Variants in PSMA1 observed in about 807,000 individuals in gnomAD.
PSMA1 encodes proteasome subunit alpha type-1.
In PSMA1, 3 loss-of-function variants were observed where a neutral mutation model predicts 38.4. The ratio of observed to expected loss-of-function variants is 0.08; its 90% confidence interval spans 0.04 to 0.20. The LOEUF (loss-of-function observed/expected upper bound fraction) is 0.20. Among genes scored for constraint, PSMA1 ranks in the 10% least tolerant of loss-of-function variants. The probability of loss-of-function intolerance (pLI) is 1.00; values close to 1 mark genes in which losing one functional copy is unlikely to be tolerated. For missense variants in PSMA1, 227 were observed against 325.3 expected (o/e 0.70, Z 2.32); for synonymous variants, 101 against 107.1 (o/e 0.94, Z 0.35).
intron 1 of PSMA1, among the ~76,000 whole-genome samples, chr11:14,636,528 T>G (rs1853115263): frequency 6.6e-6 from 1 of 152,182 alleles, no homozygotes; most frequent in Non-Finnish European, 1.5e-5. Flanking sequence ...TCATAGGGGA[T>G]ATCTCTTTTT....
At position 14,609,388 on chromosome 11, in the gene PSMA1, AACAG is replaced by A. The variant is rs368624472; in HGVS notation, c.21+1574_21+1577del. 2.8e-4 allele frequency among the ~76,000 whole-genome samples: 43 copies of A among 152,328 alleles called. No homozygotes were observed. In the East Asian group the frequency reaches 6.7e-3, roughly 24 times the overall value. The stretch of plus-strand genomic sequence containing the variant: ...CAGGAGATATTCTAGCAGCTAATAA[AACAG>A]ACAAAGATTCTTGCCTTCATGGAGC... On this transcript the variant is annotated intron_variant, in intron 2 of 10. Transcript: ENST00000418988.
At chr11:14,596,747 G>C (rs1286222987) in intron 2 of PSMA1, among the ~76,000 whole-genome samples, 1 of 152,120 alleles carries the variant, frequency 6.6e-6, no homozygotes, top group African/African-American at 2.4e-5. Flanking sequence ...TCTTTCCCTT[G>C]ACTGATTGCC....
chr11:14,529,705 A>G (rs781383602), intron 2 of PSMA1, among the ~76,000 whole-genome samples: 5 of 152,206 alleles, frequency 3.3e-5, no homozygotes, highest in Admixed American at 1.3e-4. Flanking sequence ...CCTTAGCCCA[A>G]TGAGAAAATA....
rs1245277635 is a variant in PSMA1, at chr11:14,540,236, G to T, written c.22-21195C>A. 5.5e-4 allele frequency among the ~76,000 whole-genome samples: 84 copies of T among 152,132 alleles called. 1 individual carries two copies. The highest frequency in any genetic ancestry group is 5.5e-3 in the Admixed American group (84 of 15,280). Reference sequence around the variant, plus strand: ...AAAGTTGCCTTCTGTGGGTGACCTTGTCTTTTTGCAACTAAGATGATGAAA... The same window carrying T: ...AAAGTTGCCTTCTGTGGGTGACCTTTTCTTTTTGCAACTAAGATGATGAAA... On this transcript the variant is annotated intron_variant, in intron 2 of 10. Transcript: ENST00000418988.
intron 2 of PSMA1, among the ~76,000 whole-genome samples, chr11:14,609,954 T>C (rs75683431): frequency 0.014 from 2,069 of 152,298 alleles, 20 homozygotes; most frequent in Middle Eastern, 0.027. Flanking sequence ...GAAGACATGA[T>C]TGTGGCTTGG....
intron 2 of PSMA1, among the ~76,000 whole-genome samples, chr11:14,528,114 G>A (rs1851606579): frequency 6.6e-6 from 1 of 151,814 alleles, no homozygotes; most frequent in African/African-American, 2.4e-5. Flanking sequence ...AAAAAAAAGG[G>A]GGAGGGAAAC....
At chr11:14,558,479 T>A (rs1224206141) in intron 2 of PSMA1, among the ~76,000 whole-genome samples, 2 of 152,140 alleles carry the variant, frequency 1.3e-5, no homozygotes, top group African/African-American at 2.4e-5. Flanking sequence ...TCTCTACATT[T>A]CCCTGTTTGA....
intron 2 of PSMA1, among the ~76,000 whole-genome samples, chr11:14,577,000 C>A (rs1000265684): frequency 6.6e-6 from 1 of 152,152 alleles, no homozygotes; most frequent in Admixed American, 6.6e-5. Flanking sequence ...CTTCACATCC[C>A]TTGTAAGTTG....
intron 2 of PSMA1, among the ~76,000 whole-genome samples, chr11:14,543,292 G>A (rs1213271999): frequency 1.3e-5 from 2 of 152,176 alleles, no homozygotes; most frequent in African/African-American, 4.8e-5. Context: ...GAGCCCAGGA[G>A]TTCAAATCCA....
rs775456920 is a variant in PSMA1, at chr11:14,517,861, T to G, written c.150+19A>C. 3 of 1,566,570 alleles carry G rather than the reference T, an allele frequency of 1.9e-6. No homozygotes were observed. Among genetic ancestry groups the G allele is most frequent in the Non-Finnish European group, 2.6e-6 (3 of 1,150,188 alleles). Reference sequence around the variant, plus strand: ...ACATTGTTTTCTACAGAGGAAGACATATTTATTACTGTACTTACTTTCAAT... The same window carrying G: ...ACATTGTTTTCTACAGAGGAAGACAGATTTATTACTGTACTTACTTTCAAT... On this transcript the variant is annotated intron_variant, in intron 3 of 9. Coordinates refer to ENST00000396394, the MANE Select transcript of PSMA1 (RefSeq NM_002786.4).
At chr11:14,582,002 T>C (rs2575850) in intron 2 of PSMA1, among the ~76,000 whole-genome samples, 68,763 of 151,930 alleles carry the variant, frequency 0.45, 15,593 homozygotes, top group East Asian at 0.53. Context: ...TTCCTGAACC[T>C]GGATCATGTG....
chr11:14,579,019 A>T (rs1336934826), intron 2 of PSMA1, among the ~76,000 whole-genome samples: 1 of 152,234 alleles, frequency 6.6e-6, no homozygotes, highest in Non-Finnish European at 1.5e-5. Flanking sequence ...AAAGGGATTA[A>T]GTTACCTGGC....
At chr11:14,537,591 A>G (rs1252645584) in intron 2 of PSMA1, among the ~76,000 whole-genome samples, 1 of 149,740 alleles carries the variant, frequency 6.7e-6, no homozygotes, top group African/African-American at 2.5e-5. Flanking sequence ...TTCCTGGCCC[A>G]TGCTAACATC....
intron 2 of PSMA1, among the ~76,000 whole-genome samples, chr11:14,591,571 G>T (rs1263097950): frequency 1.3e-5 from 2 of 152,196 alleles, no homozygotes; most frequent in African/African-American, 4.8e-5. Flanking sequence ...CTAGCTCAGG[G>T]ATTGTAAACA....
intron 2 of PSMA1, among the ~76,000 whole-genome samples, chr11:14,565,639 G>A (rs904891064): frequency 2.0e-5 from 3 of 152,156 alleles, no homozygotes; most frequent in Admixed American, 6.5e-5. Flanking sequence ...ACTTGGGCCA[G>A]GCACTGTTCT....
chr11:14,560,328 A>G (rs1055248369), intron 2 of PSMA1, among the ~76,000 whole-genome samples: 5 of 152,170 alleles, frequency 3.3e-5, no homozygotes, highest in Non-Finnish European at 7.3e-5. Context: ...AGTGGGGTAA[A>G]CTAGAACCTT....
At chr11:14,556,216 G>T (rs1480578270) in intron 2 of PSMA1, among the ~76,000 whole-genome samples, 1 of 152,190 alleles carries the variant, frequency 6.6e-6, no homozygotes, top group East Asian at 1.9e-4. Context: ...TATGGAATGT[G>T]TATTTCTTTG....
chr11:14,559,578 C>T (rs537474895), intron 2 of PSMA1, among the ~76,000 whole-genome samples: 12 of 152,096 alleles, frequency 7.9e-5, no homozygotes, highest in South Asian at 2.1e-4. Flanking sequence ...GACCACTAGA[C>T]GGAAGCAGAA....
At chr11:14,601,414 T>C (rs1463806756) in intron 2 of PSMA1, among the ~76,000 whole-genome samples, 1 of 152,142 alleles carries the variant, frequency 6.6e-6, no homozygotes, top group African/African-American at 2.4e-5. Flanking sequence ...GGGATGAAAT[T>C]TGCACTTGAA....
Sources: allele counts gnomAD v4.1 joint callset (sites outside exome capture counted in the v4.1 genomes callset), GRCh38; gene constraint gnomAD v4.1.1; transcripts MANE v1.5; gene names NCBI Gene and HGNC (gene_info 2026-07-23, HGNC 2026-07-21).